The following POLN variants were observed in gnomAD, a reference collection of about 807,000 sequenced individuals.
POLN encodes the protein DNA polymerase N.
Under a neutral mutation model 113.5 loss-of-function variants are expected in POLN, and 108 were observed. The observed-to-expected ratio is 0.95, with a 90% CI of 0.81 to 1.12. The LOEUF is 1.12. POLN is among the 50% of genes most tolerant of loss of function. POLN has a pLI of 0.00. For synonymous variants in POLN, 386 were observed against 391.5 expected, an observed-to-expected ratio of 0.99 and a Z score of 0.17; for missense variants, 1,097 against 1,077.1, an observed-to-expected ratio of 1.02 and a Z score of -0.26.
chr4:2,204,087 T>A (rs1467519235), intron 5 of POLN, among the ~76,000 whole-genome samples: 1 of 62,732 alleles, frequency 1.6e-5, no homozygotes, highest in Admixed American at 2.6e-4. Context: ...CCAGCCTGGG[T>A]AACAAGAGCA....
At chr4:2,125,521 T>G (rs1461690745) in intron 19 of POLN, among the ~76,000 whole-genome samples, 2 of 152,196 alleles carry the variant, frequency 1.3e-5, no homozygotes, top group African/African-American at 4.8e-5. Flanking sequence ...TCAGTCCACA[T>G]GGCCTGAATT....
intron 9 of POLN, among the ~76,000 whole-genome samples, chr4:2,175,016 G>C (rs1008812290): frequency 6.6e-6 from 1 of 152,058 alleles, no homozygotes; most frequent in Non-Finnish European, 1.5e-5. Flanking sequence ...TAGAGACGGA[G>C]TTTCGCCATG....
chr4:2,173,286 T>C (rs1355343447), intron 11 of POLN, among the ~76,000 whole-genome samples: 1 of 152,148 alleles, frequency 6.6e-6, no homozygotes, highest in East Asian at 1.9e-4. Context: ...GCATGTGCTT[T>C]AGCCTTTTTA....
intron 2 of POLN, among the ~76,000 whole-genome samples, chr4:2,234,934 G>A (rs995613738): frequency 1.3e-5 from 2 of 152,210 alleles, no homozygotes; most frequent in African/African-American, 2.4e-5. Context: ...CGCCCAGGCT[G>A]GAGTGCAGTG....
At chr4:2,173,692 A>C (rs957055481) in intron 11 of POLN, among the ~76,000 whole-genome samples, 1 of 152,110 alleles carries the variant, frequency 6.6e-6, no homozygotes, top group African/African-American at 2.4e-5. Flanking sequence ...ACAGGGGACA[A>C]TGTCCCTGTA....
intron 6 of POLN, 110 bp from the exon 7 acceptor site, chr4:2,193,426 C>A: frequency 3.2e-6 from 2 of 623,878 alleles, no homozygotes; most frequent in Non-Finnish European, 5.5e-6. Context: ...AGCACATACA[C>A]ACATTCACTA....
intron 5 of POLN, among the ~76,000 whole-genome samples, chr4:2,202,621 G>A (rs1306194104): frequency 2.0e-5 from 3 of 151,364 alleles, no homozygotes; most frequent in African/African-American, 7.3e-5. Flanking sequence ...CTACTTGGGA[G>A]GCTGAGACAG....
At chr4:2,163,319 T>C (rs952664238) in intron 13 of POLN, among the ~76,000 whole-genome samples, 1 of 152,224 alleles carries the variant, frequency 6.6e-6, no homozygotes, top group Non-Finnish European at 1.5e-5. Context: ...CAGCTTAAGA[T>C]CTTCTAACTC....
chr4:2,176,108 T>C (rs1406405969), intron 9 of POLN, among the ~76,000 whole-genome samples, 158 bp downstream of exon 9: 1 of 152,228 alleles, frequency 6.6e-6, no homozygotes, highest in Non-Finnish European at 1.5e-5. Flanking sequence ...TTCTTATCAT[T>C]CTAGACAACC....
At chr4:2,074,734 A>G (rs1374817655) in intron 24 of POLN, among the ~76,000 whole-genome samples, 2 of 152,162 alleles carry the variant, frequency 1.3e-5, no homozygotes, top group East Asian at 3.9e-4. Flanking sequence ...TCTTCTCCCA[A>G]CACGTGAAGC....
chr4:2,078,470 CTTCT>C (rs1730327914), intron 23 of POLN: 32 of 651,368 alleles, frequency 4.9e-5, no homozygotes, highest in South Asian at 1.4e-4. Context: ...GAATCTTCTT[CTTCT>C]TTTTTTTTTT....
intron 19 of POLN, among the ~76,000 whole-genome samples, chr4:2,102,385 C>T (rs1238031570): frequency 1.3e-5 from 2 of 152,178 alleles, no homozygotes; most frequent in Non-Finnish European, 1.5e-5. Context: ...CTGGCTCCTA[C>T]CTGCAAGTGC....
At chr4:2,104,994 C>T (rs34700069) in intron 19 of POLN, among the ~76,000 whole-genome samples, 17 of 152,324 alleles carry the variant, frequency 1.1e-4, no homozygotes, top group Admixed American at 2.0e-4. Flanking sequence ...AGAGCAATCA[C>T]GACAGCAGCT....
chr4:2,241,040 T>C (rs1263007579), intron 2 of POLN: 10 of 894,110 alleles, frequency 1.1e-5, no homozygotes, highest in Non-Finnish European at 1.7e-5. Context: ...CTACGTTTTA[T>C]ACCAAGTCCA....
intron 19 of POLN, among the ~76,000 whole-genome samples, chr4:2,096,937 C>T (rs1004379600): frequency 2.6e-5 from 4 of 152,170 alleles, no homozygotes; most frequent in African/African-American, 7.2e-5. Context: ...AAGCTCTCTG[C>T]GCATGTATGG....
At chr4:2,089,487 G>T in intron 20 of POLN, 1 of 1,408,080 alleles carries the variant, frequency 7.1e-7, no homozygotes, top group Non-Finnish European at 9.7e-7. Flanking sequence ...GTTCAGTTAG[G>T]GATGGACTTT....
chr4:2,210,626 AT>A lies in POLN; in HGVS notation c.214-2140del, dbSNP rs1161636662. 4.8e-3 allele frequency among the ~76,000 whole-genome samples: 557 copies of A among 115,652 alleles called. 2 individuals are homozygous for A. The highest frequency in any genetic ancestry group is 8.3e-3 in the Admixed American group (93 of 11,142). The allele number at this position is 115,652 out of a possible 152,430, so 75.9% of individuals were successfully genotyped here. A position where few individuals can be genotyped will look rare whatever the true frequency, so the allele number is the denominator to read the frequency against. ...AATAATAATAATAATAATAATAATA[AT>A]AATAAAAAAAAGAGGCCGGGCATGG... On this transcript the variant is annotated intron_variant, in intron 4 of 25. Transcript: ENST00000511885.
At position 2,220,409 on chromosome 4, in the gene POLN, C is replaced by A. The variant is rs371875770; in HGVS notation, c.134-7283G>T. On this transcript the variant is annotated intron_variant, in intron 3 of 25. Coordinates refer to ENST00000511885, the MANE Select transcript of POLN (RefSeq NM_181808.4). ...GTGGGCAGCTTCCTACTGAGTTTCA[C>A]AAGCACCCCTACCAACTTCTCAGTG... Among the ~76,000 whole-genome samples, 59 of 152,320 alleles carry A rather than the reference C, an allele frequency of 3.9e-4. No individual in the cohort carries two copies. The South Asian group carries it at 0.011, about 29-fold the overall frequency.
intron 6 of POLN, among the ~76,000 whole-genome samples, chr4:2,196,416 G>C (rs577406768): frequency 9.9e-5 from 15 of 152,130 alleles, no homozygotes; most frequent in Non-Finnish European, 1.5e-4. Flanking sequence ...AGAACTTCAT[G>C]ATGAGGCAAA....
Sources: gnomAD v4.1 joint callset for allele counts (sites outside exome capture counted in the v4.1 genomes callset) on GRCh38, gnomAD v4.1.1 for gene constraint, MANE v1.5 for transcripts, NCBI Gene and HGNC (gene_info 2026-07-23, HGNC 2026-07-21) for gene names.